MTHFD1L: variants seen among roughly 807,000 people sequenced by gnomAD.
The protein encoded by MTHFD1L is monofunctional C1-tetrahydrofolate synthase, mitochondrial.
MTHFD1L carries 81 observed loss-of-function variants against 119.5 expected under a neutral mutation model. The observed-to-expected ratio is 0.68, with a 90% confidence interval of 0.57 to 0.82. The LOEUF is 0.82. MTHFD1L is among the 40% of genes least tolerant of loss of function. The pLI is 0.00. For missense variants in MTHFD1L, 1,125 were observed against 1,253.4 expected (o/e 0.90, Z 1.55); for synonymous variants, 430 against 475.2 (o/e 0.90, Z 1.24).
At chr6:150,944,335 C>G in intron 13 of MTHFD1L, 151 bp from the exon 14 acceptor site, 1 of 621,490 alleles carries the variant, frequency 1.6e-6, no homozygotes, top group South Asian at 2.0e-5. Flanking sequence ...TAGTCCCAGC[C>G]TACTCAGTAG....
At chr6:151,091,094 G>A (rs993927079) in intron 26 of MTHFD1L, among the ~76,000 whole-genome samples, 6 of 144,326 alleles carry the variant, frequency 4.2e-5, no homozygotes, top group South Asian at 2.2e-4. Flanking sequence ...GTGCAGCATC[G>A]TTCCATGCGA....
chr6:150,867,312 C>T lies in MTHFD1L; in HGVS notation c.227+1263C>T, dbSNP rs74474666. Among the ~76,000 whole-genome samples the T allele has an allele frequency of 1.4e-4, 21 of 152,302 alleles. No individual in the cohort carries two copies. In the East Asian group the frequency reaches 4.1e-3, roughly 29 times the overall value. On this transcript the variant is annotated intron_variant, in intron 1 of 27. Coordinates refer to ENST00000367321, the MANE Select transcript of MTHFD1L (RefSeq NM_015440.5). Reference sequence around the variant, plus strand: ...GCTCAAGCGATTCTCCCGCCTTAGCCTCCAGTGTAACTGGGACCACAGGTG... The same window carrying T: ...GCTCAAGCGATTCTCCCGCCTTAGCTTCCAGTGTAACTGGGACCACAGGTG...
chr6:150,919,246 CAG>C (rs1166024971), intron 9 of MTHFD1L, among the ~76,000 whole-genome samples: 2 of 151,746 alleles, frequency 1.3e-5, no homozygotes, highest in South Asian at 2.1e-4. Context: ...CCCCTTGGGA[CAG>C]AGTCTCACTT....
At chr6:151,053,063 A>ATAT (rs1380477921) in intron 26 of MTHFD1L, among the ~76,000 whole-genome samples, 3 of 152,256 alleles carry the variant, frequency 2.0e-5, no homozygotes, top group Admixed American at 2.0e-4. Flanking sequence ...GTTGGAAACT[A>ATAT]TATTACACAG....
At position 150,906,867 on chromosome 6, in the gene MTHFD1L, C is replaced by T. The variant is rs919522963; in HGVS notation, c.892+1106C>T. Among the ~76,000 whole-genome samples, 3 of 152,112 alleles carry T rather than the reference C, an allele frequency of 2.0e-5. No individual in the cohort carries two copies. The East Asian group carries it at 5.8e-4, about 29-fold the overall frequency. On this transcript the variant is annotated intron_variant, in intron 8 of 27. Coordinates refer to ENST00000367321, the MANE Select transcript of MTHFD1L (RefSeq NM_015440.5). ...GATCAGATTAAAAACCCCTTGGGGGCTGGAGAGGGTGGAATGGAACAGAGT... is the reference window on the plus strand; with the variant it reads ...GATCAGATTAAAAACCCCTTGGGGGTTGGAGAGGGTGGAATGGAACAGAGT...
chr6:150,986,661 G>A lies in MTHFD1L; in HGVS notation c.2125+14603G>A, dbSNP rs1037925866. ...GCCCGCTGCTCACCTCCTGCTGTGC[G>A]ACCCAGTTCCTTACAGGGGCTGCAG... is the stretch of plus-strand genomic sequence containing the variant. On this transcript the variant is annotated intron_variant, in intron 20 of 27. Coordinates refer to ENST00000367321, the MANE Select transcript of MTHFD1L (RefSeq NM_015440.5). Among the ~76,000 whole-genome samples, 8 of 152,174 alleles carry A rather than the reference G, an allele frequency of 5.3e-5. No homozygotes were observed. The East Asian group carries it at 9.6e-4, about 18-fold the overall frequency.
chr6:151,000,764 G>A (rs1456465786), intron 20 of MTHFD1L, among the ~76,000 whole-genome samples: 1 of 152,146 alleles, frequency 6.6e-6, no homozygotes, highest in African/African-American at 2.4e-5. Context: ...GCAGACAGCT[G>A]CCATTGAATA....
intron 20 of MTHFD1L, among the ~76,000 whole-genome samples, chr6:150,995,349 T>C (rs1348286997): frequency 6.6e-6 from 1 of 151,976 alleles, no homozygotes; most frequent in African/African-American, 2.4e-5. Flanking sequence ...ACACTGTCTC[T>C]ACTAAAAATA....
intron 24 of MTHFD1L, among the ~76,000 whole-genome samples, chr6:151,024,516 C>A (rs1784371127): frequency 6.6e-6 from 1 of 151,692 alleles, no homozygotes; most frequent in Non-Finnish European, 1.5e-5. Flanking sequence ...GCATTCCAGC[C>A]TAAGCAACAG....
At chr6:151,034,073 C>G (rs562873872) in intron 24 of MTHFD1L, among the ~76,000 whole-genome samples, 1 of 151,656 alleles carries the variant, frequency 6.6e-6, no homozygotes, top group African/African-American at 2.4e-5. Flanking sequence ...CGCAGCTACT[C>G]AGGAGGCTGA....
chr6:151,076,668 G>C (rs542256327), intron 26 of MTHFD1L, among the ~76,000 whole-genome samples: 1 of 135,350 alleles, frequency 7.4e-6, no homozygotes, highest in East Asian at 2.2e-4. Context: ...AAAAAAAAAA[G>C]ACTGACCATA....
intron 8 of MTHFD1L, among the ~76,000 whole-genome samples, chr6:150,908,723 C>T (rs1034859878): frequency 6.6e-6 from 1 of 151,478 alleles, no homozygotes. Flanking sequence ...TGAACAGTTT[C>T]GGGGTGGTGC....
Position 151,004,007 on chromosome 6 carries a change from TTA to T in MTHFD1L, c.2126-5811_2126-5810del, listed in dbSNP as rs1491110972. ...GAAGTGAGGATGTTAATGCTTTTTT[TTA>T]AAAAAAAAAAAAAAAAAAGAGAGAG... On this transcript the variant is annotated intron_variant, in intron 20 of 27. Transcript: ENST00000367321. 5.9e-4 allele frequency among the ~76,000 whole-genome samples: 79 copies of T among 134,086 alleles called. 1 individual carries two copies. The Admixed American group carries it at 6.2e-3, about 11-fold the overall frequency. 88.0% of individuals were successfully genotyped at this position (134,086 alleles called of 152,430 possible).
intron 26 of MTHFD1L, among the ~76,000 whole-genome samples, chr6:151,087,488 A>C (rs1358866015): frequency 6.6e-6 from 1 of 152,172 alleles, no homozygotes. Context: ...GAACCAAAAT[A>C]AAATTAGATT....
chr6:151,007,089 C>T (rs146202296), intron 20 of MTHFD1L, among the ~76,000 whole-genome samples: 12 of 152,140 alleles, frequency 7.9e-5, no homozygotes, highest in Middle Eastern at 3.4e-3. Context: ...CCTGGCTCTG[C>T]CTTTACCTAT....
chr6:151,097,657 C>G (rs764691404), intron 27 of MTHFD1L, among the ~76,000 whole-genome samples: 1 of 152,042 alleles, frequency 6.6e-6, no homozygotes, highest in Non-Finnish European at 1.5e-5. Flanking sequence ...TACAGTTAGA[C>G]GAAGAAATAA....
intron 20 of MTHFD1L, among the ~76,000 whole-genome samples, chr6:150,991,814 A>G (rs778352080): frequency 2.4e-4 from 36 of 152,182 alleles, no homozygotes; most frequent in Non-Finnish European, 4.3e-4. Context: ...GTGAGGAGAA[A>G]TTGACAGTTT....
intron 20 of MTHFD1L, among the ~76,000 whole-genome samples, chr6:150,977,939 C>G (rs943376424): frequency 2.8e-5 from 4 of 142,714 alleles, no homozygotes; most frequent in African/African-American, 1.0e-4. Flanking sequence ...CCCACTCTGT[C>G]TTCCAGGCTG....
chr6:150,905,633 T>C lies in MTHFD1L; in HGVS notation c.781-17T>C. 6.2e-7 allele frequency: 1 copy of C among 1,604,452 alleles called. No individual in the cohort carries two copies. Among genetic ancestry groups the C allele is most frequent in the Non-Finnish European group, 8.5e-7 (1 of 1,171,266 alleles). ...CCTCAGATCAAGATGTGCGTGTTTTTTTCTTTCTCCTTTTAGCTTCACGAG... is the reference window on the plus strand; with the variant it reads ...CCTCAGATCAAGATGTGCGTGTTTTCTTCTTTCTCCTTTTAGCTTCACGAG... On this transcript the variant is annotated splice_polypyrimidine_tract_variant and intron_variant, in intron 7 of 27. Coordinates refer to ENST00000367321, the MANE Select transcript of MTHFD1L (RefSeq NM_015440.5).
Sources: gnomAD v4.1 joint callset for allele counts (sites outside exome capture counted in the v4.1 genomes callset) on GRCh38, gnomAD v4.1.1 for gene constraint, MANE v1.5 for transcripts, NCBI Gene and HGNC (gene_info 2026-07-23, HGNC 2026-07-21) for gene names.